PDE2A: variants seen among roughly 807,000 people sequenced by gnomAD.
PDE2A encodes the protein phosphodiesterase 2A.
Under a neutral mutation model 133.6 loss-of-function variants are expected in PDE2A, and 53 were observed. The ratio of observed to expected loss-of-function variants is 0.40; its 90% CI spans 0.32 to 0.50. PDE2A has a LOEUF of 0.50. PDE2A is among the 20% of genes least tolerant of loss of function. PDE2A has a pLI of 0.73. For synonymous variants in PDE2A, 491 were observed against 490.2 expected (o/e 1.00, Z -0.02); for missense variants, 796 against 1,232.4 (o/e 0.65, Z 5.30).
At chr11:72,612,520 A>G (rs550279699) in intron 2 of PDE2A, among the ~76,000 whole-genome samples, 7 of 152,306 alleles carry the variant, frequency 4.6e-5, no homozygotes, top group African/African-American at 1.7e-4. Flanking sequence ...GGCCTTACGC[A>G]ACACCTTTCC....
rs199918480 is a variant in PDE2A at position 72,584,539 on chromosome 11, C to T, written c.1537+12G>A. 184 of 1,590,948 alleles carry T rather than the reference C, an allele frequency of 1.2e-4. No individual in the cohort carries two copies. In the African/African-American group the frequency reaches 2.1e-3, roughly 18 times the overall value. On this transcript the variant is annotated intron_variant, in intron 18 of 30. Transcript: ENST00000334456. The stretch of plus-strand genomic sequence containing the variant: ...GCAGGCCCCGCCCCTCCGCCCGGGC[C>T]GCCACGCGCACCCTGGTTCTCGTTC...
Position 72,597,472 on chromosome 11 carries a change from GCCC to G in PDE2A, c.433+35_433+37del. Reference sequence around the variant, plus strand: ...AGTGCAGGGGCCACAGTCCCTCCCTGCCCCTGCCCCTGCCCCTGCCCAGCCCCT... The same window carrying G: ...AGTGCAGGGGCCACAGTCCCTCCCTGCTGCCCCTGCCCCTGCCCAGCCCCT... On this transcript the variant is annotated intron_variant, in intron 5 of 30. Transcript: ENST00000334456. The surrounding 1 kb of genome is among the most constrained non-coding windows in gnomAD (Gnocchi z 4.6). 1 of 299,598 alleles carries G rather than the reference GCCC, an allele frequency of 3.3e-6. No homozygotes were observed. The highest frequency in any genetic ancestry group is 4.1e-6 in the Non-Finnish European group (1 of 243,900). The allele number at this position is 299,598 out of a possible 1,614,324, so 18.6% of individuals were successfully genotyped here. A position where few individuals can be genotyped will look rare whatever the true frequency, so the allele number is the denominator to read the frequency against.
At chr11:72,581,266 G>C (rs562583011) in intron 23 of PDE2A, 91 bp downstream of exon 23, 1 of 1,317,956 alleles carries the variant, frequency 7.6e-7, no homozygotes, top group East Asian at 2.3e-5. Context: ...GAGGCAGTGC[G>C]TGTAAAGTGC....
chr11:72,584,724 T>A lies in PDE2A; in HGVS notation c.1364A>T (p.Tyr455Phe), dbSNP rs1855883357. The A allele has an allele frequency of 6.2e-7, 1 of 1,613,280 alleles. No individual in the cohort carries two copies. Among genetic ancestry groups the A allele is most frequent in the Non-Finnish European group, 8.5e-7 (1 of 1,179,950 alleles). The change falls in exon 18 of 31, where the codon TAT becomes TTT. Residue 455 changes from tyrosine (Y) to phenylalanine (F), a missense_variant. Physicochemically the swap from Tyr to Phe is conservative, Grantham distance 22. Transcript: ENST00000334456. ...FDGGVVDDES[Y>F]EIRIPADQGI... ...CTGATCGGCCGGGATGCGGATCTCA[T>A]AGCTCTGCCGGAGCAGAGATGGAGT...
chr11:72,642,203 C>G (rs1858983207), intron 2 of PDE2A, 51 bp downstream of exon 2: 6 of 1,395,350 alleles, frequency 4.3e-6, no homozygotes, highest in Middle Eastern at 2.0e-4. Flanking sequence ...CCCGGCCCGG[C>G]GCTCGCCGGA....
intron 6 of PDE2A, among the ~76,000 whole-genome samples, chr11:72,595,728 C>A (rs1472207022): frequency 6.6e-6 from 1 of 152,102 alleles, no homozygotes; most frequent in Non-Finnish European, 1.5e-5. Flanking sequence ...AGAAGCAGAC[C>A]CCCAATAATA....
At chr11:72,637,501 T>C (rs1319397522) in intron 2 of PDE2A, among the ~76,000 whole-genome samples, 1 of 152,234 alleles carries the variant, frequency 6.6e-6, no homozygotes, top group African/African-American at 2.4e-5. Context: ...AAGGGCACTG[T>C]GCTCAAAGGA....
intron 6 of PDE2A, among the ~76,000 whole-genome samples, chr11:72,595,393 A>G (rs779366338): frequency 6.6e-6 from 1 of 152,094 alleles, no homozygotes; most frequent in Non-Finnish European, 1.5e-5. Context: ...AACTCCGTGC[A>G]ACAGCAGCTC....
chr11:72,597,639 C>A lies in PDE2A; in HGVS notation c.324-20G>T, dbSNP rs755427909. The stretch of plus-strand genomic sequence containing the variant: ...GCCTCCCTGAAAAGAGGACATGATG[C>A]CACCTTGAGAGCCCCCGACTCAGGG... On this transcript the variant is annotated intron_variant, in intron 4 of 30. Transcript: ENST00000334456. The surrounding 1 kb of genome is among the most constrained non-coding windows in gnomAD (Gnocchi z 4.6). 7 of 1,536,932 alleles carry A rather than the reference C, an allele frequency of 4.6e-6. No individual in the cohort carries two copies. The highest frequency in any genetic ancestry group is 3.6e-6 in the Non-Finnish European group (4 of 1,112,984).
intron 1 of PDE2A, among the ~76,000 whole-genome samples, chr11:72,672,504 C>A (rs968784731): frequency 1.4e-4 from 22 of 152,134 alleles, no homozygotes; most frequent in African/African-American, 5.3e-4. Context: ...GTTTCTAGAA[C>A]CCAAATCTGA....
At chr11:72,628,468 C>T (rs1464976217) in intron 2 of PDE2A, among the ~76,000 whole-genome samples, 1 of 151,946 alleles carries the variant, frequency 6.6e-6, no homozygotes, top group Non-Finnish European at 1.5e-5. Context: ...GTAGCTGGGA[C>T]TACAGGCGCC....
At position 72,642,244 on chromosome 11, in the gene PDE2A, G is replaced by A. The variant is rs748873091; in HGVS notation, c.144+10C>T. The A allele has an allele frequency of 2.7e-6, 4 of 1,506,456 alleles. No individual in the cohort carries two copies. Among genetic ancestry groups the A allele is most frequent in the South Asian group, 2.6e-5 (2 of 76,960 alleles). The allele number at this position is 1,506,456 out of a possible 1,614,324, so 93.3% of individuals were successfully genotyped here. ...CGTTCTCCTGGTGCCCAGCGCGGGG[G>A]CCCCCCTACCTGCAGGCTGTCGGCG... On this transcript the variant is annotated intron_variant, in intron 2 of 30. Transcript: ENST00000334456.
chr11:72,613,217 G>A (rs1454938157), intron 2 of PDE2A, among the ~76,000 whole-genome samples: 1 of 152,064 alleles, frequency 6.6e-6, no homozygotes, highest in East Asian at 1.9e-4. Context: ...CTGGAAGGAA[G>A]CCTCACAGTG....
rs1277304781 is a variant in PDE2A, at chr11:72,590,515, G to A, written c.615C>T (p.Ala205=). ...QQRGPREAPR[A]VQNPPEGTAE... ...CCGTCCCCTCCGGGGGGTTCTGGAC[G>A]GCTCGGGGAGCCTCCCTGGGCCCGC... The change falls in exon 8 of 31, where the codon GCC becomes GCT. Residue 205 remains alanine (A), a synonymous_variant. Transcript: ENST00000334456. The surrounding 1 kb of genome is among the most constrained non-coding windows in gnomAD (Gnocchi z 4.8). 1 of 1,471,722 alleles carries A rather than the reference G, an allele frequency of 6.8e-7. No homozygotes were observed. Among genetic ancestry groups the A allele is most frequent in the South Asian group, 1.4e-5 (1 of 72,420 alleles). 91.2% of individuals were successfully genotyped at this position (1,471,722 alleles called of 1,614,324 possible).
intron 2 of PDE2A, among the ~76,000 whole-genome samples, chr11:72,632,839 G>A (rs915733320): frequency 1.3e-5 from 2 of 151,770 alleles, no homozygotes. Flanking sequence ...GCCCGGAGGT[G>A]GAGGCAGGGT....
chr11:72,599,183 C>G (rs1480729194), intron 4 of PDE2A, among the ~76,000 whole-genome samples: 1 of 152,172 alleles, frequency 6.6e-6, no homozygotes, highest in African/African-American at 2.4e-5. Context: ...CCCCTCCCAC[C>G]CCTGGACTGG....
At position 72,584,690 on chromosome 11, in the gene PDE2A, C is replaced by G. The variant is rs150054293; in HGVS notation, c.1398G>C (p.Ala466=). 7 of 1,613,372 alleles carry G rather than the reference C, an allele frequency of 4.3e-6. No individual in the cohort carries two copies. The South Asian group carries it at 7.7e-5, about 18-fold the overall frequency. ...TCTGGCCCGTGGTCGCCACGTGTCC[C>G]GCGATGCCCTGATCGGCCGGGATGC... ...EIRIPADQGI[A]GHVATTGQIL... is the part of the protein sequence containing the mutation. The change falls in exon 18 of 31, where the codon GCG becomes GCC. Residue 466 remains alanine, a synonymous_variant. Coordinates refer to ENST00000334456, the MANE Select transcript of PDE2A (RefSeq NM_002599.5).
intron 2 of PDE2A, among the ~76,000 whole-genome samples, chr11:72,623,192 T>C (rs753665144): frequency 6.6e-6 from 1 of 152,116 alleles, no homozygotes; most frequent in Non-Finnish European, 1.5e-5. Flanking sequence ...TGGCTCCCAT[T>C]AGCCTGACTC....
chr11:72,605,035 A>G (rs189511194), intron 4 of PDE2A, 103 bp downstream of exon 4: 66 of 657,770 alleles, frequency 1.0e-4, no homozygotes, highest in Admixed American at 4.3e-4. Flanking sequence ...GCGGGGATCA[A>G]TGTTGGAAGG....
Sources: allele counts gnomAD v4.1 joint callset (sites outside exome capture counted in the v4.1 genomes callset), GRCh38; gene constraint gnomAD v4.1.1; non-coding constraint Gnocchi (gnomAD v3.1); transcripts MANE v1.5; gene names NCBI Gene and HGNC (gene_info 2026-07-23, HGNC 2026-07-21).